Variants in CHST10 observed in about 807,000 individuals in gnomAD.
CHST10 encodes HNK-1 sulfotransferase.
In CHST10, 24 loss-of-function variants were observed where a neutral mutation model predicts 34.7. That is an observed-to-expected ratio of 0.69 (90% confidence interval 0.50 to 0.97). CHST10 has a LOEUF of 0.97. CHST10 is among the 50% of genes least tolerant of loss of function. CHST10 has a pLI of 0.00. For synonymous variants in CHST10, 161 were observed against 169.3 expected, an observed-to-expected ratio of 0.95 and a Z score of 0.38; for missense variants, 402 against 452.1, an observed-to-expected ratio of 0.89 and a Z score of 1.00.
In CHST10 at chr2:100,417,532, C is replaced by T. The variant is rs556052262; in HGVS notation, c.-262G>A. The T allele has an allele frequency of 3.6e-3, 552 of 152,050 alleles. 2 individuals are homozygous for T. The highest frequency in any genetic ancestry group is 6.6e-3 in the South Asian group (32 of 4,834). The allele number at this position is 152,050 out of a possible 1,614,324, so 9.4% of individuals were successfully genotyped here. ...GCCCCGAGGCCTCCGCGCCGCGGCCCGTCGGGTCCCGGGATGTGGCGGCGG... is the reference window on the plus strand; with the variant it reads ...GCCCCGAGGCCTCCGCGCCGCGGCCTGTCGGGTCCCGGGATGTGGCGGCGG... On this transcript the variant is annotated 5_prime_UTR_variant, in exon 1 of 7. Coordinates refer to ENST00000264249, the MANE Select transcript of CHST10 (RefSeq NM_004854.5).
Position 100,392,104 on chromosome 2 carries a change from G to A in CHST10, c.*1141C>T, listed in dbSNP as rs1057064. The A allele has an allele frequency of 0.11, 16,599 of 152,652 alleles. 2,395 individuals are homozygous for A. The highest frequency in any genetic ancestry group is 0.33 in the African/African-American group (13,455 of 41,398). 9.5% of individuals were successfully genotyped at this position (152,652 alleles called of 1,614,324 possible). A position where few individuals can be genotyped will look rare whatever the true frequency, so the allele number is the denominator to read the frequency against. On this transcript the variant is annotated 3_prime_UTR_variant, in exon 7 of 7. Coordinates refer to ENST00000264249, the MANE Select transcript of CHST10 (RefSeq NM_004854.5). ...GCCCTGCACCAGGGCCTACCTTGTTGCCAGGAAGCCGCACTGCTGGAGGCT... is the reference window on the plus strand; with the variant it reads ...GCCCTGCACCAGGGCCTACCTTGTTACCAGGAAGCCGCACTGCTGGAGGCT...
At chr2:100,412,373 C>T (rs577911208) in intron 2 of CHST10, among the ~76,000 whole-genome samples, 15 of 152,282 alleles carry the variant, frequency 9.9e-5, no homozygotes, top group East Asian at 3.9e-4. Flanking sequence ...TCATTTGCTT[C>T]GGGATTATGT....
intron 2 of CHST10, chr2:100,408,127 T>G (rs561507348): frequency 6.9e-6 from 1 of 144,116 alleles, no homozygotes; most frequent in Non-Finnish European, 1.5e-5. Flanking sequence ...TCAGTTAATT[T>G]TTTTAGTATA....
At position 100,393,557 on chromosome 2, in the gene CHST10, G is replaced by A. The variant is rs118091549; in HGVS notation, c.759C>T (p.Asp253=). 4.5e-4 allele frequency: 733 copies of A among 1,614,110 alleles called. 12 individuals carry two copies. In the East Asian group the frequency reaches 0.016, roughly 35 times the overall value. ...YLGDPNHRWL[D]LQFGDHIIHW... is the part of the protein sequence containing the mutation. ...GAATGATGTGGTCCCCAAACTGAAG[G>A]TCTAGCCATCTGTGGTTCGGATCGC... Residue 253 remains aspartate (D), a synonymous_variant, in exon 7 of 7, where the codon GAC becomes GAT. Coordinates refer to ENST00000264249, the MANE Select transcript of CHST10 (RefSeq NM_004854.5).
At chr2:100,404,163 A>G (rs1363359869) in intron 3 of CHST10, among the ~76,000 whole-genome samples, 1 of 152,180 alleles carries the variant, frequency 6.6e-6, no homozygotes, top group African/African-American at 2.4e-5. Context: ...ATCTCACGCG[A>G]GTGAGGCAGG....
intron 2 of CHST10, among the ~76,000 whole-genome samples, chr2:100,410,286 T>G (rs376108323): frequency 6.6e-6 from 1 of 151,750 alleles, no homozygotes; most frequent in Non-Finnish European, 1.5e-5. Flanking sequence ...AGAGGAAGAG[T>G]CAGCTCTGCC....
At chr2:100,412,309 G>T (rs1479885646) in intron 2 of CHST10, among the ~76,000 whole-genome samples, 1 of 152,218 alleles carries the variant, frequency 6.6e-6, no homozygotes, top group African/African-American at 2.4e-5. Context: ...ACATTATCTG[G>T]TGTGGTGGGT....
intron 6 of CHST10, 136 bp downstream of exon 6, chr2:100,395,373 T>G: frequency 1.5e-6 from 1 of 652,472 alleles, no homozygotes; most frequent in African/African-American, 1.8e-5. Context: ...TAGCTGCCTC[T>G]CACTGATGCA....
rs1217726797 is a variant in CHST10 at position 100,393,633 on chromosome 2, T to C, written c.683A>G (p.Asn228Ser). 4 of 1,614,036 alleles carry C rather than the reference T, an allele frequency of 2.5e-6. No homozygotes were observed. The Admixed American group carries it at 5.0e-5, about 20-fold the overall frequency. The change falls in exon 7 of 7, where the codon AAC becomes AGC. Residue 228 changes from asparagine to serine, a missense_variant. Asn to Ser is a conservative substitution (Grantham distance 46). Coordinates refer to ENST00000264249, the MANE Select transcript of CHST10 (RefSeq NM_004854.5). ...APGIIRKYRRNRTETRGIQFE... is the reference protein window; with the variant it reads ...APGIIRKYRRSRTETRGIQFE... ...CTGGATCCCCCGGGTCTCTGTCCGG[T>C]TCCTCCTGTATTTTCTGATGATGCC...
chr2:100,407,884 T>C (rs902165979), intron 2 of CHST10: 41 of 152,138 alleles, frequency 2.7e-4, no homozygotes, highest in African/African-American at 9.9e-4. Context: ...GGGTCACCAA[T>C]AGGGTTGCCT....
chr2:100,402,414 A>C, intron 4 of CHST10, 150 bp downstream of exon 4: 1 of 645,448 alleles, frequency 1.5e-6, no homozygotes. Flanking sequence ...AATGGAAATT[A>C]ACAAGGTGAA....
chr2:100,401,452 A>C (rs1055006965), intron 4 of CHST10, among the ~76,000 whole-genome samples: 1 of 152,146 alleles, frequency 6.6e-6, no homozygotes, highest in South Asian at 2.1e-4. Context: ...GAGCACCAAG[A>C]TGACCACCCT....
At chr2:100,405,326 G>C (rs1573189853) in intron 3 of CHST10, among the ~76,000 whole-genome samples, 1 of 152,168 alleles carries the variant, frequency 6.6e-6, no homozygotes, top group Non-Finnish European at 1.5e-5. Context: ...AGGGCTCCTG[G>C]AGGATGAGGC....
chr2:100,414,918 C>T, intron 2 of CHST10, 123 bp downstream of exon 2: 1 of 532,160 alleles, frequency 1.9e-6, no homozygotes. Context: ...GGAAACGTTT[C>T]TAAGCACACA....
At chr2:100,394,478 C>G (rs1674956822) in intron 6 of CHST10, among the ~76,000 whole-genome samples, 2 of 152,208 alleles carry the variant, frequency 1.3e-5, no homozygotes, top group Admixed American at 1.3e-4. Flanking sequence ...CCCATGAGTG[C>G]TCAGGGCAAC....
At chr2:100,406,770 G>A in intron 2 of CHST10, 63 bp from the exon 3 acceptor site, 2 of 1,297,438 alleles carry the variant, frequency 1.5e-6, no homozygotes, top group Non-Finnish European at 2.1e-6. Flanking sequence ...AAAGAGGAAT[G>A]AAAACGACAG....
chr2:100,404,483 A>G (rs775819651), intron 3 of CHST10, among the ~76,000 whole-genome samples: 1 of 152,162 alleles, frequency 6.6e-6, no homozygotes, highest in Non-Finnish European at 1.5e-5. Flanking sequence ...ATCTTTCTTC[A>G]TAGGTTTTAT....
intron 4 of CHST10, among the ~76,000 whole-genome samples, chr2:100,402,313 G>A (rs1675376698): frequency 6.6e-6 from 1 of 152,204 alleles, no homozygotes; most frequent in Non-Finnish European, 1.5e-5. Context: ...CAGCTGGTCA[G>A]GAATGCTGCA....
intron 6 of CHST10, 108 bp from the exon 7 acceptor site, chr2:100,393,890 C>A: frequency 3.6e-6 from 3 of 842,532 alleles, no homozygotes; most frequent in Non-Finnish European, 5.5e-6. Context: ...ATGGGACCCT[C>A]ACGTGCCGAG....
Sources: allele counts gnomAD v4.1 joint callset (sites outside exome capture counted in the v4.1 genomes callset), GRCh38; gene constraint gnomAD v4.1.1; transcripts MANE v1.5; gene names NCBI Gene and HGNC (gene_info 2026-07-23, HGNC 2026-07-21).